The following MAGI2 variants were observed in gnomAD, a reference collection of about 807,000 sequenced individuals.
The protein encoded by MAGI2 is membrane associated guanylate kinase, WW and PDZ domain containing 2, also known as membrane-associated guanylate kinase, WW and PDZ domain-containing protein 2.
Under a neutral mutation model 133.3 loss-of-function variants are expected in MAGI2, and 35 were observed. The ratio of observed to expected loss-of-function variants is 0.26; its 90% CI spans 0.20 to 0.35. The LOEUF is 0.35. MAGI2 is among the 10% of genes least tolerant of loss of function. MAGI2 has a pLI of 1.00. For missense variants in MAGI2, 1,636 were observed against 1,863.4 expected, an observed-to-expected ratio of 0.88 and a Z score of 2.25; for synonymous variants, 729 against 710.6, an observed-to-expected ratio of 1.03 and a Z score of -0.41.
intron 2 of MAGI2, among the ~76,000 whole-genome samples, chr7:78,701,780 C>T (rs1450052246): frequency 1.3e-5 from 2 of 151,968 alleles, no homozygotes; most frequent in East Asian, 3.9e-4. Context: ...TTCTCCCAAA[C>T]ACTTCCAGTT....
At chr7:78,644,148 G>A (rs1416882727) in intron 2 of MAGI2, among the ~76,000 whole-genome samples, 1 of 152,016 alleles carries the variant, frequency 6.6e-6, no homozygotes, top group Non-Finnish European at 1.5e-5. Context: ...AAATGTTTAT[G>A]TATTTAATTA....
At chr7:78,061,993 C>A (rs1813327193) in intron 21 of MAGI2, among the ~76,000 whole-genome samples, 1 of 152,166 alleles carries the variant, frequency 6.6e-6, no homozygotes, top group Non-Finnish European at 1.5e-5. Context: ...GCAGAGCATG[C>A]CTGTTTCCAG....
At chr7:79,185,609 G>T (rs1256328747) in intron 1 of MAGI2, among the ~76,000 whole-genome samples, 1 of 149,520 alleles carries the variant, frequency 6.7e-6, no homozygotes, top group Non-Finnish European at 1.5e-5. Flanking sequence ...ATCAATGAAT[G>T]CATCAACCTC....
intron 1 of MAGI2, chr7:79,353,490 T>G: frequency 2.2e-6 from 1 of 455,972 alleles, no homozygotes; most frequent in Admixed American, 2.3e-5. Flanking sequence ...CCCTGGTGTG[T>G]GCCCTTTGCT....
chr7:78,900,778 G>A (rs1424540129), intron 2 of MAGI2, among the ~76,000 whole-genome samples: 1 of 152,016 alleles, frequency 6.6e-6, no homozygotes, highest in Non-Finnish European at 1.5e-5. Flanking sequence ...TGTATGAAAG[G>A]AGAAACCTTA....
intron 1 of MAGI2, among the ~76,000 whole-genome samples, chr7:79,017,332 G>A (rs1808841032): frequency 6.6e-6 from 1 of 152,120 alleles, no homozygotes; most frequent in South Asian, 2.1e-4. Flanking sequence ...CCTGAGCCCT[G>A]GCCCCCTAAA....
chr7:79,086,084 T>G (rs1419405650), intron 1 of MAGI2, among the ~76,000 whole-genome samples: 2 of 151,904 alleles, frequency 1.3e-5, no homozygotes, highest in Non-Finnish European at 2.9e-5. Flanking sequence ...CCAAAGTTTT[T>G]CCTTTTAGAT....
At chr7:78,397,411 A>G (rs1583884246) in intron 6 of MAGI2, among the ~76,000 whole-genome samples, 1 of 147,102 alleles carries the variant, frequency 6.8e-6, no homozygotes, top group Non-Finnish European at 1.5e-5. Flanking sequence ...CTTGTCTTAC[A>G]TTGCCCAAAC....
Position 78,323,704 on chromosome 7 carries a change from C to A in MAGI2, c.1408+20074G>T, listed in dbSNP as rs1226395065. Among the ~76,000 whole-genome samples the A allele has an allele frequency of 2.6e-5, 4 of 152,208 alleles. No individual in the cohort carries two copies. The Middle Eastern group carries it at 0.01, about 388-fold the overall frequency. On this transcript the variant is annotated intron_variant, in intron 9 of 21. Transcript: ENST00000354212. Reference sequence around the variant, plus strand: ...TTTAACATCAACAATCAAGTGAAATCTTCTTGTAATTCTAAAATTGTGCTT... The same window carrying A: ...TTTAACATCAACAATCAAGTGAAATATTCTTGTAATTCTAAAATTGTGCTT...
chr7:78,054,569 C>G (rs1294443500), intron 21 of MAGI2, among the ~76,000 whole-genome samples: 1 of 150,886 alleles, frequency 6.6e-6, no homozygotes, highest in African/African-American at 2.5e-5. Flanking sequence ...ATTATTTAAG[C>G]CCCTTCATTC....
Position 79,007,078 on chromosome 7 carries a change from C to T in MAGI2, c.418+12G>A, listed in dbSNP as rs775696009. The T allele has an allele frequency of 2.6e-6, 4 of 1,531,612 alleles. No individual in the cohort carries two copies. In the South Asian group the frequency reaches 4.7e-5, roughly 18 times the overall value. The allele number at this position is 1,531,612 out of a possible 1,614,324, so 94.9% of individuals were successfully genotyped here. A position where few individuals can be genotyped will look rare whatever the true frequency, so the allele number is the denominator to read the frequency against. ...TCAACATAAAAATATTAATACTGCC[C>T]ATTGTACTCACATGGCACCGTGCGG... is the stretch of plus-strand genomic sequence containing the variant. On this transcript the variant is annotated intron_variant, in intron 2 of 21. Transcript: ENST00000354212.
At chr7:78,023,406 C>G (rs941719321) in intron 21 of MAGI2, among the ~76,000 whole-genome samples, 1 of 152,128 alleles carries the variant, frequency 6.6e-6, no homozygotes, top group Non-Finnish European at 1.5e-5. Context: ...CTCCCTTTCT[C>G]CTTTTTTGGA....
intron 3 of MAGI2, among the ~76,000 whole-genome samples, chr7:78,543,940 A>C (rs1345060892): frequency 6.6e-6 from 1 of 152,238 alleles, no homozygotes; most frequent in Non-Finnish European, 1.5e-5. Flanking sequence ...TTGCTTAGAA[A>C]AATAAAAGTG....
intron 1 of MAGI2, among the ~76,000 whole-genome samples, chr7:79,322,640 C>A (rs562028794): frequency 6.6e-6 from 1 of 151,812 alleles, no homozygotes; most frequent in Non-Finnish European, 1.5e-5. Context: ...CAAAAATTAG[C>A]CGGGCCATAG....
chr7:78,192,066 A>G (rs1828264897), intron 12 of MAGI2, among the ~76,000 whole-genome samples: 1 of 152,166 alleles, frequency 6.6e-6, no homozygotes. Context: ...GGCAACTGCA[A>G]CCCAGTTTTG....
intron 2 of MAGI2, among the ~76,000 whole-genome samples, chr7:78,789,422 C>T (rs1001050469): frequency 6.6e-6 from 1 of 152,160 alleles, no homozygotes; most frequent in Non-Finnish European, 1.5e-5. Context: ...ATGTAAAATC[C>T]ACAGACGATG....
chr7:79,320,016 TTGG>T (rs1339110238), intron 1 of MAGI2, among the ~76,000 whole-genome samples: 1 of 152,188 alleles, frequency 6.6e-6, no homozygotes, highest in African/African-American at 2.4e-5. Context: ...ACAGAATTGA[TTGG>T]TGTTTTTCCT....
intron 3 of MAGI2, among the ~76,000 whole-genome samples, chr7:78,563,595 C>T (rs1800632838): frequency 6.6e-6 from 1 of 152,214 alleles, no homozygotes; most frequent in African/African-American, 2.4e-5. Flanking sequence ...CAGTCATCCA[C>T]AGCCATGTTT....
chr7:78,571,439 C>T lies in MAGI2; in HGVS notation c.539-49794G>A, dbSNP rs113897475. Among the ~76,000 whole-genome samples, 1,144 of 152,242 alleles carry T rather than the reference C, an allele frequency of 7.5e-3. 14 individuals carry two copies. Among genetic ancestry groups the T allele is most frequent in the African/African-American group, 0.026 (1,096 of 41,542 alleles). On this transcript the variant is annotated intron_variant, in intron 3 of 21. Transcript: ENST00000354212. The stretch of plus-strand genomic sequence containing the variant: ...GACAGCATCCAAATTTATGACGGCT[C>T]AAAGATGCTTGAAATAGCAATTTAT...
Sources: gnomAD v4.1 joint callset for allele counts (sites outside exome capture counted in the v4.1 genomes callset) on GRCh38, gnomAD v4.1.1 for gene constraint, MANE v1.5 for transcripts, NCBI Gene and HGNC (gene_info 2026-07-23, HGNC 2026-07-21) for gene names.